Variants in FOXD2 observed in about 807,000 individuals in gnomAD.
The protein encoded by FOXD2 is forkhead box D2, also known as forkhead box protein D2.
A neutral mutation model predicts 6.4 loss-of-function variants in FOXD2; 4 were observed. The observed-to-expected ratio is 0.62, with a 90% CI of 0.31 to 1.42. FOXD2 has a LOEUF of 1.42. Among genes scored for constraint, FOXD2 ranks in the 40% most tolerant of loss-of-function variants. The pLI is 0.08. For missense variants in FOXD2, 709 were observed against 766.8 expected (o/e 0.92, Z 0.89); for synonymous variants, 393 against 373.6 (o/e 1.05, Z -0.60).
chr1:47,438,953 C>T lies in FOXD2; in HGVS notation c.818C>T (p.Ala273Val). The T allele has an allele frequency of 6.6e-7, 1 of 1,508,208 alleles. No homozygotes were observed. Among genetic ancestry groups the T allele is most frequent in the Non-Finnish European group, 8.8e-7 (1 of 1,130,928 alleles). 93.4% of individuals were successfully genotyped at this position (1,508,208 alleles called of 1,614,324 possible). Residue 273 changes from alanine to valine, a missense_variant, in exon 1 of 1, where the codon GCT becomes GTT. By Grantham distance (64) the Ala-to-Val change is moderately conservative. Coordinates refer to ENST00000334793, the MANE Select transcript of FOXD2 (RefSeq NM_004474.4). ...GCCTACGGCTACGGCTACGGGCTGG[C>T]TCTCCCGGCCTACGGCGCACCCCCG... ...YGAYGYGYGL[A>V]LPAYGAPPPG...
chr1:47,439,173 C>T lies in FOXD2; in HGVS notation c.1038C>T (p.Gly346=), dbSNP rs1274213669. The part of the protein sequence containing the change: ...APAPASGSGP[G]PGPAGLPAFL... ...CGCCTGCCTCAGGCTCGGGCCCGGGCCCGGGCCCCGCAGGCCTGCCCGCCT... is the reference window on the plus strand; with the variant it reads ...CGCCTGCCTCAGGCTCGGGCCCGGGTCCGGGCCCCGCAGGCCTGCCCGCCT... Residue 346 remains glycine, a synonymous_variant, in exon 1 of 1, where the codon GGC becomes GGT. Coordinates refer to ENST00000334793, the MANE Select transcript of FOXD2 (RefSeq NM_004474.4). The T allele has an allele frequency of 1.4e-6, 2 of 1,438,800 alleles. No individual in the cohort carries two copies. The highest frequency in any genetic ancestry group is 3.0e-5 in the Admixed American group (1 of 33,106). The allele number at this position is 1,438,800 out of a possible 1,614,324, so 89.1% of individuals were successfully genotyped here.
rs1448378911 is a variant in FOXD2 at position 47,439,320 on chromosome 1, G to A, written c.1185G>A (p.Ala395=). ...TGCGCCAGGGCCTCAAGACGGACGC[G>A]GGCGGTGGTGCAGGCGGCGGGGGCG... is the stretch of plus-strand genomic sequence containing the variant. ...ALLRQGLKTD[A]GGGAGGGGAG... Residue 395 remains alanine (A), a synonymous_variant, in exon 1 of 1, where the codon GCG becomes GCA. Transcript: ENST00000334793. 4.7e-6 allele frequency: 7 copies of A among 1,476,358 alleles called. No homozygotes were observed. The highest frequency in any genetic ancestry group is 1.8e-6 in the Non-Finnish European group (2 of 1,126,696). The allele number at this position is 1,476,358 out of a possible 1,614,324, so 91.5% of individuals were successfully genotyped here.
chr1:47,439,049 C>T lies in FOXD2; in HGVS notation c.914C>T (p.Pro305Leu). 1 of 1,448,642 alleles carries T rather than the reference C, an allele frequency of 6.9e-7. No homozygotes were observed. Among genetic ancestry groups the T allele is most frequent in the Non-Finnish European group, 9.0e-7 (1 of 1,105,526 alleles). The allele number at this position is 1,448,642 out of a possible 1,614,324, so 89.7% of individuals were successfully genotyped here. A position where few individuals can be genotyped will look rare whatever the true frequency, so the allele number is the denominator to read the frequency against. Residue 305 changes from proline (P) to leucine (L), a missense_variant, in exon 1 of 1, where the codon CCT becomes CTT. Physicochemically the swap from Pro to Leu is moderately conservative, Grantham distance 98 (BLOSUM62 -3). Transcript: ENST00000334793. ...TTCGCCGCGGCAGCCGCCGCCGCTC[C>T]TTGCCAGCTGTCGGTACCCCCAGGC... ...FAFAAAAAAA[P>L]CQLSVPPGRA...
In FOXD2 at chr1:47,438,188, C is replaced by T; in HGVS notation, c.53C>T (p.Ala18Val). ...ATCATGTCCTCCGAGAGCTCCCCGGCCGCGCTGTCCGAGGCCGACGCAGAC... is the reference window on the plus strand; with the variant it reads ...ATCATGTCCTCCGAGAGCTCCCCGGTCGCGCTGTCCGAGGCCGACGCAGAC... ...CEIMSSESSPAALSEADADID... is the reference protein window; with the variant it reads ...CEIMSSESSPVALSEADADID... Residue 18 changes from alanine to valine, a missense_variant, in exon 1 of 1, where the codon GCC (alanine) becomes GTC (valine). Physicochemically the swap from Ala to Val is moderately conservative, Grantham distance 64. Coordinates refer to ENST00000334793, the MANE Select transcript of FOXD2 (RefSeq NM_004474.4). 1 of 1,465,776 alleles carries T rather than the reference C, an allele frequency of 6.8e-7. No individual in the cohort carries two copies. The highest frequency in any genetic ancestry group is 2.4e-5 in the Admixed American group (1 of 41,328). 90.8% of individuals were successfully genotyped at this position (1,465,776 alleles called of 1,614,324 possible). A position where few individuals can be genotyped will look rare whatever the true frequency, so the allele number is the denominator to read the frequency against.
chr1:47,439,493 C>A lies in FOXD2; in HGVS notation c.1358C>A (p.Ala453Asp), dbSNP rs1393230629. 2 of 1,550,472 alleles carry A rather than the reference C, an allele frequency of 1.3e-6. No individual in the cohort carries two copies. Among genetic ancestry groups the A allele is most frequent in the Non-Finnish European group, 1.7e-6 (2 of 1,149,094 alleles). The change falls in exon 1 of 1, where the codon GCC becomes GAC. Residue 453 changes from alanine to aspartate, a missense_variant. Coordinates refer to ENST00000334793, the MANE Select transcript of FOXD2 (RefSeq NM_004474.4). The stretch of plus-strand genomic sequence containing the variant: ...CCTGGGGGCCAAGCCCAGGTCTTGG[C>A]CATGCTGACTGCTCCGGCCCTGGCT... ...AGPGGQAQVL[A>D]MLTAPALAPV...
rs1429672672 is a variant in FOXD2 at position 47,438,611 on chromosome 1, G to A, written c.476G>A (p.Gly159Asp). Residue 159 changes from glycine to aspartate, a missense_variant, in exon 1 of 1, where the codon GGC (glycine) becomes GAC (aspartate). By Grantham distance (94) the Gly-to-Asp change is moderately conservative (BLOSUM62 -1). Coordinates refer to ENST00000334793, the MANE Select transcript of FOXD2 (RefSeq NM_004474.4). Reference sequence around the variant, plus strand: ...AGCGAGATCTGCGAGTTCATCAGCGGCCGCTTCCCCTACTACCGGGAGAAG... The same window carrying A: ...AGCGAGATCTGCGAGTTCATCAGCGACCGCTTCCCCTACTACCGGGAGAAG... ...TLSEICEFIS[G>D]RFPYYREKFP... 1 of 1,613,826 alleles carries A rather than the reference G, an allele frequency of 6.2e-7. No homozygotes were observed. The highest frequency in any genetic ancestry group is 8.5e-7 in the Non-Finnish European group (1 of 1,179,962).
chr1:47,439,827 G>A lies in FOXD2; in HGVS notation c.*204G>A, dbSNP rs1276009219. 3 of 551,170 alleles carry A rather than the reference G, an allele frequency of 5.4e-6. No homozygotes were observed. Among genetic ancestry groups the A allele is most frequent in the East Asian group, 7.0e-5 (2 of 28,768 alleles). 34.1% of individuals were successfully genotyped at this position (551,170 alleles called of 1,614,324 possible). ...CTCTATCGCTCAGGGCGACAGGCCC[G>A]GGGCTACGCGAAGAAGTCGCAGGCC... On this transcript the variant is annotated 3_prime_UTR_variant, in exon 1 of 1. Transcript: ENST00000334793.
At position 47,439,757 on chromosome 1, in the gene FOXD2, C is replaced by A. The variant is rs114613832; in HGVS notation, c.*134C>A. The A allele has an allele frequency of 1.8e-3, 1,359 of 768,184 alleles. 10 individuals carry two copies. The African/African-American group carries it at 0.023, about 13-fold the overall frequency. The allele number at this position is 768,184 out of a possible 1,614,324, so 47.6% of individuals were successfully genotyped here. A position where few individuals can be genotyped will look rare whatever the true frequency, so the allele number is the denominator to read the frequency against. On this transcript the variant is annotated 3_prime_UTR_variant, in exon 1 of 1. Coordinates refer to ENST00000334793, the MANE Select transcript of FOXD2 (RefSeq NM_004474.4). The stretch of plus-strand genomic sequence containing the variant: ...GGCCGGCACGCGTGACACGGCACTT[C>A]AGGCTCCACGCACAGAATCTCGCAG...
rs1646985592 is a variant in FOXD2, at chr1:47,438,275, C to T, written c.140C>T (p.Ala47Val). The T allele has an allele frequency of 3.0e-6, 4 of 1,352,032 alleles. No individual in the cohort carries two copies. Among genetic ancestry groups the T allele is most frequent in the East Asian group, 6.2e-5 (2 of 32,364 alleles). The allele number at this position is 1,352,032 out of a possible 1,614,324, so 83.8% of individuals were successfully genotyped here. A position where few individuals can be genotyped will look rare whatever the true frequency, so the allele number is the denominator to read the frequency against. ...CTCCCAGCTCGCTCCGGGCCCCGCG[C>T]CCCCCGGGACGTGCTCCCCCACGGC... ...GELPARSGPRAPRDVLPHGHE... is the reference protein window; with the variant it reads ...GELPARSGPRVPRDVLPHGHE... Residue 47 changes from alanine to valine, a missense_variant, in exon 1 of 1, where the codon GCC becomes GTC. Physicochemically the swap from Ala to Val is moderately conservative, Grantham distance 64. Coordinates refer to ENST00000334793, the MANE Select transcript of FOXD2 (RefSeq NM_004474.4).
Position 47,439,464 on chromosome 1 carries a change from G to T in FOXD2, c.1329G>T (p.Ala443=). The change falls in exon 1 of 1, where the codon GCG becomes GCT. Residue 443 remains alanine (A), a synonymous_variant. Coordinates refer to ENST00000334793, the MANE Select transcript of FOXD2 (RefSeq NM_004474.4). Reference sequence around the variant, plus strand: ...CGGGACCGCCATTCGCGGCAGCCGCGGGTCCTGGGGGCCAAGCCCAGGTCT... The same window carrying T: ...CGGGACCGCCATTCGCGGCAGCCGCTGGTCCTGGGGGCCAAGCCCAGGTCT... ...GSPGPPFAAA[A]GPGGQAQVLA... is the part of the protein sequence containing the mutation. 6.5e-7 allele frequency: 1 copy of T among 1,543,272 alleles called. No homozygotes were observed. Among genetic ancestry groups the T allele is most frequent in the Non-Finnish European group, 8.7e-7 (1 of 1,147,596 alleles).
rs982841445 is a variant in FOXD2, at chr1:47,439,291, C to T, written c.1156C>T (p.Leu386Phe). 12 of 1,495,830 alleles carry T rather than the reference C, an allele frequency of 8.0e-6. No individual in the cohort carries two copies. In the African/African-American group the frequency reaches 1.6e-4, roughly 20 times the overall value. 92.7% of individuals were successfully genotyped at this position (1,495,830 alleles called of 1,614,324 possible). Reference sequence around the variant, plus strand: ...CACCGCGGCGGGTCTGCCCACCGCACTTCTGCGCCAGGGCCTCAAGACGGA... The same window carrying T: ...CACCGCGGCGGGTCTGCCCACCGCATTTCTGCGCCAGGGCCTCAAGACGGA... ...AGTAAGLPTA[L>F]LRQGLKTDAG... Residue 386 changes from leucine (L) to phenylalanine (F), a missense_variant, in exon 1 of 1, where the codon CTT becomes TTT. By Grantham distance (22) the Leu-to-Phe change is conservative. Coordinates refer to ENST00000334793, the MANE Select transcript of FOXD2 (RefSeq NM_004474.4).
chr1:47,439,037 C>T lies in FOXD2; in HGVS notation c.902C>T (p.Ala301Val). The T allele has an allele frequency of 7.0e-7, 1 of 1,428,076 alleles. No individual in the cohort carries two copies. The highest frequency in any genetic ancestry group is 1.4e-5 in the South Asian group (1 of 73,698). The allele number at this position is 1,428,076 out of a possible 1,614,324, so 88.5% of individuals were successfully genotyped here. ...HPHAFAFAAAAAAAPCQLSVP... is the reference protein window; with the variant it reads ...HPHAFAFAAAVAAAPCQLSVP... ...CACGCCTTCGCTTTCGCCGCGGCAG[C>T]CGCCGCCGCTCCTTGCCAGCTGTCG... Residue 301 changes from alanine (A) to valine (V), a missense_variant, in exon 1 of 1, where the codon GCC becomes GTC. Around this residue, in one of 5 missense-constraint regions of FOXD2, gnomAD observed 322 missense variants for 313.8 expected, o/e 1.03. Transcript: ENST00000334793.
chr1:47,439,669 C>T lies in FOXD2; in HGVS notation c.*46C>T, dbSNP rs571256616. ...GTTAGGTCCGCACTCCTCAGCCTCTCCCGGGAGTTCCTGCGGTCCCAGCGG... is the reference window on the plus strand; with the variant it reads ...GTTAGGTCCGCACTCCTCAGCCTCTTCCGGGAGTTCCTGCGGTCCCAGCGG... On this transcript the variant is annotated 3_prime_UTR_variant, in exon 1 of 1. Coordinates refer to ENST00000334793, the MANE Select transcript of FOXD2 (RefSeq NM_004474.4). 3 of 1,496,218 alleles carry T rather than the reference C, an allele frequency of 2.0e-6. No individual in the cohort carries two copies. Among genetic ancestry groups the T allele is most frequent in the Admixed American group, 2.2e-5 (1 of 45,696 alleles). 92.7% of individuals were successfully genotyped at this position (1,496,218 alleles called of 1,614,324 possible).
Position 47,438,617 on chromosome 1 carries a change from T to G in FOXD2, c.482T>G (p.Phe161Cys). ...SEICEFISGRFPYYREKFPAW... is the reference protein window; with the variant it reads ...SEICEFISGRCPYYREKFPAW... ...ATCTGCGAGTTCATCAGCGGCCGCT[T>G]CCCCTACTACCGGGAGAAGTTCCCC... is the stretch of plus-strand genomic sequence containing the variant. Residue 161 changes from phenylalanine (F) to cysteine (C), a missense_variant, in exon 1 of 1, where the codon TTC becomes TGC. Phe to Cys is a radical substitution (Grantham distance 205). Coordinates refer to ENST00000334793, the MANE Select transcript of FOXD2 (RefSeq NM_004474.4). 6.2e-7 allele frequency: 1 copy of G among 1,613,668 alleles called. No individual in the cohort carries two copies. The highest frequency in any genetic ancestry group is 8.5e-7 in the Non-Finnish European group (1 of 1,179,900).
In FOXD2 at chr1:47,438,939, C is replaced by T. The variant is rs1182403925; in HGVS notation, c.804C>T (p.Tyr268=). ...TCGCTGCCTACGGCGCCTACGGCTA[C>T]GGCTACGGGCTGGCTCTCCCGGCCT... ...PGFAAYGAYG[Y]GYGLALPAYG... Residue 268 remains tyrosine (Y), a synonymous_variant, in exon 1 of 1, where the codon TAC becomes TAT. Transcript: ENST00000334793. The T allele has an allele frequency of 1.3e-6, 2 of 1,527,674 alleles. No individual in the cohort carries two copies. Among genetic ancestry groups the T allele is most frequent in the Non-Finnish European group, 1.8e-6 (2 of 1,139,012 alleles). The allele number at this position is 1,527,674 out of a possible 1,614,324, so 94.6% of individuals were successfully genotyped here.
In FOXD2 at chr1:47,438,192, G is replaced by C. The variant is rs1431845154; in HGVS notation, c.57G>C (p.Ala19=). ...EIMSSESSPA[A]LSEADADIDV... ...TGTCCTCCGAGAGCTCCCCGGCCGCGCTGTCCGAGGCCGACGCAGACATAG... is the reference window on the plus strand; with the variant it reads ...TGTCCTCCGAGAGCTCCCCGGCCGCCCTGTCCGAGGCCGACGCAGACATAG... Residue 19 remains alanine (A), a synonymous_variant, in exon 1 of 1, where the codon GCG becomes GCC. Coordinates refer to ENST00000334793, the MANE Select transcript of FOXD2 (RefSeq NM_004474.4). 6.8e-6 allele frequency: 10 copies of C among 1,462,554 alleles called. No individual in the cohort carries two copies. The highest frequency in any genetic ancestry group is 9.0e-6 in the Non-Finnish European group (10 of 1,112,642). The allele number at this position is 1,462,554 out of a possible 1,614,324, so 90.6% of individuals were successfully genotyped here.
In FOXD2 at chr1:47,438,448, C is replaced by G. The variant is rs1263259792; in HGVS notation, c.313C>G (p.Arg105Gly). 11 of 1,099,210 alleles carry G rather than the reference C, an allele frequency of 1.0e-5. No individual in the cohort carries two copies. In the African/African-American group the frequency reaches 1.5e-4, roughly 15 times the overall value. The allele number at this position is 1,099,210 out of a possible 1,614,324, so 68.1% of individuals were successfully genotyped here. ...GSPGPGAAAA[R>G]GAAGPGPGPP... ...CCCGGGGCCAGGCGCCGCGGCGGCC[C>G]GCGGCGCAGCGGGGCCCGGGCCGGG... Residue 105 changes from arginine (R) to glycine (G), a missense_variant, in exon 1 of 1, where the codon CGC becomes GGC. By Grantham distance (125) the Arg-to-Gly change is moderately radical (BLOSUM62 -2). Coordinates refer to ENST00000334793, the MANE Select transcript of FOXD2 (RefSeq NM_004474.4).
rs771681391 is a variant in FOXD2, at chr1:47,439,767, G to T, written c.*144G>T. 23 of 721,624 alleles carry T rather than the reference G, an allele frequency of 3.2e-5. No individual in the cohort carries two copies. Among genetic ancestry groups the T allele is most frequent in the Non-Finnish European group, 4.5e-5 (20 of 444,938 alleles). The allele number at this position is 721,624 out of a possible 1,614,324, so 44.7% of individuals were successfully genotyped here. ...CGTGACACGGCACTTCAGGCTCCACGCACAGAATCTCGCAGATAGTTGGGA... is the reference window on the plus strand; with the variant it reads ...CGTGACACGGCACTTCAGGCTCCACTCACAGAATCTCGCAGATAGTTGGGA... On this transcript the variant is annotated 3_prime_UTR_variant, in exon 1 of 1. Coordinates refer to ENST00000334793, the MANE Select transcript of FOXD2 (RefSeq NM_004474.4).
At position 47,439,335 on chromosome 1, in the gene FOXD2, C is replaced by G. The variant is rs921297241; in HGVS notation, c.1200C>G (p.Gly400=). Reference sequence around the variant, plus strand: ...AGACGGACGCGGGCGGTGGTGCAGGCGGCGGGGGCGCCGGGGCAGGGCAGA... The same window carrying G: ...AGACGGACGCGGGCGGTGGTGCAGGGGGCGGGGGCGCCGGGGCAGGGCAGA... ...GLKTDAGGGA[G]GGGAGAGQRP... The change falls in exon 1 of 1, where the codon GGC becomes GGG. Residue 400 remains glycine (G), a synonymous_variant. Coordinates refer to ENST00000334793, the MANE Select transcript of FOXD2 (RefSeq NM_004474.4). 6.7e-7 allele frequency: 1 copy of G among 1,481,792 alleles called. No homozygotes were observed. The highest frequency in any genetic ancestry group is 8.9e-7 in the Non-Finnish European group (1 of 1,129,712). The allele number at this position is 1,481,792 out of a possible 1,614,324, so 91.8% of individuals were successfully genotyped here. A position where few individuals can be genotyped will look rare whatever the true frequency, so the allele number is the denominator to read the frequency against.
Sources: gnomAD v4.1 joint callset for allele counts on GRCh38, gnomAD v4.1.1 for gene constraint, gnomAD v4.1.1 regional missense constraint, MANE v1.5 for transcripts, NCBI Gene and HGNC (gene_info 2026-07-23, HGNC 2026-07-21) for gene names.